UGT1A8: variants seen among roughly 807,000 people sequenced by gnomAD.
UGT1A8 encodes the protein UDP-glucuronosyltransferase 1A8.
Under a neutral mutation model 45.3 loss-of-function variants are expected in UGT1A8, and 39 were observed. That is an observed-to-expected ratio of 0.86 (90% CI 0.67 to 1.12). The LOEUF (loss-of-function observed/expected upper bound fraction) is 1.12. UGT1A8 is among the 50% of genes most tolerant of loss of function. The pLI is 0.00. For synonymous variants in UGT1A8, 275 were observed against 249.2 expected, an observed-to-expected ratio of 1.10 and a Z score of -0.97; for missense variants, 719 against 664.9, an observed-to-expected ratio of 1.08 and a Z score of -0.90.
At chr2:233,741,911 A>C (rs909136076) in intron 1 of UGT1A8, 2 of 151,838 alleles carry the variant, frequency 1.3e-5, no homozygotes, top group African/African-American at 4.9e-5. Flanking sequence ...GTGATGGAAA[A>C]GGTCTTCATT....
intron 1 of UGT1A8, among the ~76,000 whole-genome samples, chr2:233,653,960 T>C (rs569489254): frequency 6.6e-6 from 1 of 152,344 alleles, no homozygotes; most frequent in Admixed American, 6.5e-5. Flanking sequence ...ATTGAGGACA[T>C]TTCAACATTT....
At chr2:233,678,667 T>C (rs1350439244) in intron 1 of UGT1A8, among the ~76,000 whole-genome samples, 1 of 152,222 alleles carries the variant, frequency 6.6e-6, no homozygotes, top group African/African-American at 2.4e-5. Flanking sequence ...TCTATGAGGC[T>C]TGTATTGTGT....
chr2:233,672,407 C>A, intron 1 of UGT1A8: 2 of 1,613,862 alleles, frequency 1.2e-6, no homozygotes, highest in Non-Finnish European at 1.7e-6. Flanking sequence ...TTAATTGTTG[C>A]CAAATATTTC....
At chr2:233,737,494 C>T (rs1180844627) in intron 1 of UGT1A8, among the ~76,000 whole-genome samples, 1 of 152,208 alleles carries the variant, frequency 6.6e-6, no homozygotes, top group South Asian at 2.1e-4. Context: ...AGGGAAATCC[C>T]TCACCCTCTT....
chr2:233,617,989 C>T lies in UGT1A8; in HGVS notation c.282C>T (p.Ala94=), dbSNP rs201316544. ...TGGACCGGGAATTCATGGATTTCGC[C>T]GATGCTCAATGGAAAGCACAAGTAC... ...EDLDREFMDF[A]DAQWKAQVRS... The change falls in exon 1 of 5, where the codon GCC becomes GCT. Residue 94 remains alanine, a synonymous_variant. Coordinates refer to ENST00000373450, the MANE Select transcript of UGT1A8 (RefSeq NM_019076.5). The T allele has an allele frequency of 1.2e-5, 20 of 1,614,042 alleles. No individual in the cohort carries two copies. Among genetic ancestry groups the T allele is most frequent in the East Asian group, 6.7e-5 (3 of 44,884 alleles).
chr2:233,713,732 T>C, intron 1 of UGT1A8: 1 of 1,613,896 alleles, frequency 6.2e-7, no homozygotes, highest in South Asian at 1.1e-5. Flanking sequence ...CAGTGGTGGA[T>C]CTTGTCAGCC....
intron 1 of UGT1A8, among the ~76,000 whole-genome samples, chr2:233,684,283 T>C (rs982969534): frequency 6.6e-6 from 1 of 152,174 alleles, no homozygotes; most frequent in African/African-American, 2.4e-5. Flanking sequence ...AAACATGACT[T>C]TCAGCTCTTG....
chr2:233,701,684 A>T (rs1575471996), intron 1 of UGT1A8, among the ~76,000 whole-genome samples: 1 of 152,382 alleles, frequency 6.6e-6, no homozygotes, highest in East Asian at 1.9e-4. Context: ...CTCAGAATTA[A>T]GAAAATCACT....
At chr2:233,726,664 T>G (rs2077549930) in intron 1 of UGT1A8, among the ~76,000 whole-genome samples, 1 of 152,168 alleles carries the variant, frequency 6.6e-6, no homozygotes, top group South Asian at 2.1e-4. Flanking sequence ...TTTAATCATA[T>G]CTGTGAAGTC....
At chr2:233,672,724 C>T in intron 1 of UGT1A8, 1 of 1,613,932 alleles carries the variant, frequency 6.2e-7, no homozygotes, top group Non-Finnish European at 8.5e-7. Context: ...CTATCCCAAA[C>T]CCGTGATGCC....
chr2:233,729,474 G>A, intron 1 of UGT1A8: 1 of 1,614,210 alleles, frequency 6.2e-7, no homozygotes. Context: ...GTATGGCAAT[G>A]TTGAACAATA....
intron 1 of UGT1A8, chr2:233,729,474 G>T: frequency 6.2e-7 from 1 of 1,614,208 alleles, no homozygotes. Context: ...GTATGGCAAT[G>T]TTGAACAATA....
chr2:233,670,563 A>C (rs17864683), intron 1 of UGT1A8, among the ~76,000 whole-genome samples: 1 of 152,130 alleles, frequency 6.6e-6, no homozygotes, highest in African/African-American at 2.4e-5. Flanking sequence ...GGCTTCTTCT[A>C]TGTCTTCTTT....
At chr2:233,757,238 G>A (rs191269433) in intron 1 of UGT1A8, among the ~76,000 whole-genome samples, 1 of 149,106 alleles carries the variant, frequency 6.7e-6, no homozygotes, top group Non-Finnish European at 1.5e-5. Context: ...AGAAGTGGTG[G>A]TGAGGTGGGG....
At chr2:233,703,519 A>G (rs1315690951) in intron 1 of UGT1A8, among the ~76,000 whole-genome samples, 1 of 151,980 alleles carries the variant, frequency 6.6e-6, no homozygotes, top group Non-Finnish European at 1.5e-5. Context: ...GTGGAGTGAC[A>G]CTTATCATTA....
intron 1 of UGT1A8, among the ~76,000 whole-genome samples, chr2:233,683,661 A>T (rs956582405): frequency 6.6e-6 from 1 of 152,054 alleles, no homozygotes; most frequent in Non-Finnish European, 1.5e-5. Flanking sequence ...AAAGTATTTC[A>T]TCTTTCTTAT....
intron 1 of UGT1A8, among the ~76,000 whole-genome samples, chr2:233,627,307 C>T (rs546942033): frequency 1.3e-5 from 2 of 151,920 alleles, no homozygotes; most frequent in Non-Finnish European, 2.9e-5. Flanking sequence ...TTGGCAGAGG[C>T]TGCTTCTCCT....
At chr2:233,720,631 A>G (rs2076876608) in intron 1 of UGT1A8, among the ~76,000 whole-genome samples, 1 of 151,986 alleles carries the variant, frequency 6.6e-6, no homozygotes. Context: ...TCATTGAAAT[A>G]GTACTCTGGG....
intron 1 of UGT1A8, among the ~76,000 whole-genome samples, chr2:233,763,089 A>C (rs1698233437): frequency 6.6e-6 from 1 of 152,238 alleles, no homozygotes; most frequent in South Asian, 2.1e-4. Flanking sequence ...GGATGTTTGT[A>C]GGAGAGGCAC....
Sources: gnomAD v4.1 joint callset for allele counts (sites outside exome capture counted in the v4.1 genomes callset) on GRCh38, gnomAD v4.1.1 for gene constraint, MANE v1.5 for transcripts, NCBI Gene and HGNC (gene_info 2026-07-23, HGNC 2026-07-21) for gene names.